The following PRKCH variants were observed in gnomAD, a reference collection of about 807,000 sequenced individuals.
The protein encoded by PRKCH is protein kinase C eta type.
A neutral mutation model predicts 82.5 loss-of-function variants in PRKCH; 28 were observed. That is an observed-to-expected ratio of 0.34 (90% confidence interval 0.25 to 0.47). The LOEUF is 0.47. Ranked by LOEUF, PRKCH falls within the 20% of genes least tolerant of loss-of-function variation. The pLI is 1.00. For synonymous variants in PRKCH, 322 were observed against 327.4 expected (o/e 0.98, Z 0.18); for missense variants, 705 against 881.8 (o/e 0.80, Z 2.54).
chr14:61,267,611 G>A (rs183006842), intron 1 of PRKCH, among the ~76,000 whole-genome samples: 3 of 152,250 alleles, frequency 2.0e-5, no homozygotes, highest in Admixed American at 6.5e-5. Flanking sequence ...TTTAGTATTC[G>A]TTTACATCAG....
rs147325674 is a variant in PRKCH at position 61,275,720 on chromosome 14, A to ATCCTGC, written c.-19+88057_-19+88062dup. On this transcript the variant is annotated intron_variant, in intron 1 of 3. Coordinates refer to the PRKCH transcript ENST00000555185. ...GCTGCCAATCCCCTGCCTTCTAGGT[A>ATCCTGC]TCCTGCTCCTCCAGAAAAATGCCTC... Among the ~76,000 whole-genome samples, 1,488 of 152,210 alleles carry ATCCTGC rather than the reference A, an allele frequency of 9.8e-3. 31 individuals are homozygous for ATCCTGC. The highest frequency in any genetic ancestry group is 0.034 in the African/African-American group (1,400 of 41,502).
At chr14:61,299,188 G>T (rs547461314) in intron 1 of PRKCH, among the ~76,000 whole-genome samples, 2 of 152,246 alleles carry the variant, frequency 1.3e-5, no homozygotes, top group South Asian at 4.2e-4. Flanking sequence ...GGTGGACATG[G>T]GTACAGGGAG....
intron 5 of PRKCH, among the ~76,000 whole-genome samples, chr14:61,450,157 C>T (rs1039431347): frequency 6.6e-6 from 1 of 152,044 alleles, no homozygotes; most frequent in African/African-American, 2.4e-5. Context: ...AGAAAGAGGC[C>T]ATAAAAGTTT....
At chr14:61,401,154 A>G (rs1050740360) in intron 2 of PRKCH, among the ~76,000 whole-genome samples, 6 of 152,314 alleles carry the variant, frequency 3.9e-5, no homozygotes, top group Non-Finnish European at 5.9e-5. Flanking sequence ...GCATTCTCAG[A>G]CATCAGGCAT....
chr14:61,418,901 T>A (rs375654309), intron 2 of PRKCH, among the ~76,000 whole-genome samples: 1 of 152,238 alleles, frequency 6.6e-6, no homozygotes, highest in South Asian at 2.1e-4. Context: ...CTTCTGGCTC[T>A]TTGCCTGACT....
intron 1 of PRKCH, among the ~76,000 whole-genome samples, chr14:61,381,880 CAG>C (rs1379286256): frequency 6.6e-6 from 1 of 152,234 alleles, no homozygotes; most frequent in East Asian, 1.9e-4. Flanking sequence ...GGACCTCAGG[CAG>C]AAGCAGTCAG....
At chr14:61,303,911 T>C (rs1013023817) in intron 1 of PRKCH, 1 of 151,956 alleles carries the variant, frequency 6.6e-6, no homozygotes, top group African/African-American at 2.4e-5. Flanking sequence ...AGTGAAAATG[T>C]TCTATGTCTT....
chr14:61,229,619 A>C (rs1182806436), intron 1 of PRKCH, among the ~76,000 whole-genome samples: 3 of 152,186 alleles, frequency 2.0e-5, no homozygotes, highest in Admixed American at 1.3e-4. Context: ...CGAAGGGAAG[A>C]TTTGGCGGGG....
intron 1 of PRKCH, among the ~76,000 whole-genome samples, chr14:61,282,529 G>A (rs1318744453): frequency 6.6e-6 from 1 of 152,100 alleles, no homozygotes; most frequent in Non-Finnish European, 1.5e-5. Flanking sequence ...AATGTTGTTA[G>A]CATCTTCCAA....
chr14:61,547,163 A>G (rs2140043611), intron 12 of PRKCH, among the ~76,000 whole-genome samples: 1 of 152,318 alleles, frequency 6.6e-6, no homozygotes, highest in African/African-American at 2.4e-5. Context: ...GAGCTATGAT[A>G]TCTTCGCTGC....
chr14:61,322,548 T>C, intron 1 of PRKCH, 84 bp downstream of exon 1: 1 of 1,496,066 alleles, frequency 6.7e-7, no homozygotes, highest in East Asian at 2.3e-5. Flanking sequence ...GGTCCCGCTT[T>C]CCCATCGCTT....
intron 1 of PRKCH, among the ~76,000 whole-genome samples, chr14:61,244,470 C>G (rs1209899195): frequency 6.6e-6 from 1 of 152,230 alleles, no homozygotes; most frequent in African/African-American, 2.4e-5. Context: ...CTACCCTGCT[C>G]TATCATCTTA....
chr14:61,498,446 G>A (rs567390171), intron 10 of PRKCH, among the ~76,000 whole-genome samples: 1 of 152,276 alleles, frequency 6.6e-6, no homozygotes, highest in Admixed American at 6.5e-5. Flanking sequence ...CCTTGTCTGT[G>A]AAACCCAGTT....
At chr14:61,316,888 C>A (rs977703346), upstream of PRKCH, among the ~76,000 whole-genome samples, 1 of 151,994 alleles carries the variant, frequency 6.6e-6, no homozygotes, top group Non-Finnish European at 1.5e-5. Context: ...GAGCCAGTTG[C>A]AGGAAGAGAA....
intron 1 of PRKCH, among the ~76,000 whole-genome samples, chr14:61,323,888 T>G (rs1006466666): frequency 6.6e-6 from 1 of 152,206 alleles, no homozygotes; most frequent in African/African-American, 2.4e-5. Flanking sequence ...AGTGTCTGAT[T>G]AGGAGTTAGG....
chr14:61,421,623 G>A (rs1202220841), intron 2 of PRKCH, among the ~76,000 whole-genome samples: 1 of 152,130 alleles, frequency 6.6e-6, no homozygotes, highest in Non-Finnish European at 1.5e-5. Flanking sequence ...AGTTCTAGCA[G>A]TAGTGTACTA....
chr14:61,400,373 G>C (rs147559405), intron 2 of PRKCH, among the ~76,000 whole-genome samples: 8 of 152,266 alleles, frequency 5.3e-5, no homozygotes, highest in African/African-American at 1.9e-4. Flanking sequence ...TTAAAATGTA[G>C]CTTTAAAAAA....
chr14:61,380,487 G>T (rs61990676), intron 1 of PRKCH, among the ~76,000 whole-genome samples: 4,379 of 152,152 alleles, frequency 0.029, 93 homozygotes, highest in Middle Eastern at 0.058. Flanking sequence ...GACTTCTTCA[G>T]GAGAACTCAC....
At chr14:61,301,725 C>T (rs1209381110) in intron 1 of PRKCH, among the ~76,000 whole-genome samples, 1 of 152,170 alleles carries the variant, frequency 6.6e-6, no homozygotes, top group African/African-American at 2.4e-5. Flanking sequence ...CCTGTAGTCC[C>T]AGCTACTCAG....
Sources: gnomAD v4.1 joint callset for allele counts (sites outside exome capture counted in the v4.1 genomes callset) on GRCh38, gnomAD v4.1.1 for gene constraint, MANE v1.5 for transcripts, NCBI Gene and HGNC (gene_info 2026-07-23, HGNC 2026-07-21) for gene names.